The following TACC1 variants were observed in gnomAD, a reference collection of about 807,000 sequenced individuals.
TACC1 encodes transforming acidic coiled-coil-containing protein 1.
TACC1 carries 48 observed loss-of-function variants against 84.4 expected under a neutral mutation model. The ratio of observed to expected loss-of-function variants is 0.57; its 90% confidence interval spans 0.45 to 0.72. The LOEUF is 0.72. TACC1 is among the 30% of genes least tolerant of loss of function. The pLI is 0.00. For synonymous variants in TACC1, 372 were observed against 376.3 expected (o/e 0.99, Z 0.13); for missense variants, 920 against 973.0 (o/e 0.95, Z 0.72).
intron 3 of TACC1, among the ~76,000 whole-genome samples, chr8:38,766,396 A>T (rs2151849591): frequency 6.6e-6 from 1 of 152,368 alleles, no homozygotes; most frequent in African/African-American, 2.4e-5. Context: ...CAGAAACTTT[A>T]GAGTCCTGTC....
intron 9 of TACC1, among the ~76,000 whole-genome samples, chr8:38,841,834 T>A (rs967146131): frequency 3.3e-5 from 5 of 152,138 alleles, no homozygotes; most frequent in African/African-American, 1.2e-4. Flanking sequence ...ATTTAGAGTC[T>A]CTTCTCATCT....
chr8:38,801,706 A>G (rs959826018), intron 2 of TACC1, among the ~76,000 whole-genome samples: 2 of 152,182 alleles, frequency 1.3e-5, no homozygotes, highest in African/African-American at 4.8e-5. Flanking sequence ...TTCTGAGTCC[A>G]TTGCATTTCT....
At chr8:38,809,072 C>T (rs1254318321) in intron 2 of TACC1, among the ~76,000 whole-genome samples, 2 of 152,108 alleles carry the variant, frequency 1.3e-5, no homozygotes, top group African/African-American at 2.4e-5. Context: ...GGAGTTCCTT[C>T]AGCCCTCTGC....
intron 2 of TACC1, among the ~76,000 whole-genome samples, chr8:38,803,072 T>C (rs75769065): frequency 6.6e-6 from 1 of 152,242 alleles, no homozygotes; most frequent in Admixed American, 6.5e-5. Context: ...TTCTTAATTT[T>C]TTTTGGAATT....
At chr8:38,762,811 C>T (rs1383276506) in intron 3 of TACC1, among the ~76,000 whole-genome samples, 2 of 152,124 alleles carry the variant, frequency 1.3e-5, no homozygotes, top group East Asian at 3.9e-4. Context: ...CCCGCCTCGG[C>T]CTCCCAAAGT....
At chr8:38,838,211 A>G (rs1830582341) in intron 7 of TACC1, among the ~76,000 whole-genome samples, 1 of 152,242 alleles carries the variant, frequency 6.6e-6, no homozygotes, top group Non-Finnish European at 1.5e-5. Context: ...GGACCAAGGT[A>G]AAGTTCACAG....
intron 2 of TACC1, among the ~76,000 whole-genome samples, chr8:38,814,774 C>T (rs1825029831): frequency 6.6e-6 from 1 of 152,030 alleles, no homozygotes; most frequent in Non-Finnish European, 1.5e-5. Flanking sequence ...GACAGAAGTA[C>T]TAAAAGAACC....
At chr8:38,822,258 A>AC (rs996315855) in intron 3 of TACC1, among the ~76,000 whole-genome samples, 2 of 151,328 alleles carry the variant, frequency 1.3e-5, no homozygotes, top group African/African-American at 2.4e-5. Flanking sequence ...AAAAAAAAAA[A>AC]AAAAAAAACT....
At chr8:38,838,636 C>A in intron 8 of TACC1, 90 bp downstream of exon 8, 1 of 1,110,804 alleles carries the variant, frequency 9.0e-7, no homozygotes, top group Non-Finnish European at 1.4e-6. Flanking sequence ...TTGCTTGCCA[C>A]AGAACCAAGT....
chr8:38,805,072 G>A (rs989242183), intron 2 of TACC1, among the ~76,000 whole-genome samples: 1 of 152,224 alleles, frequency 6.6e-6, no homozygotes, highest in Non-Finnish European at 1.5e-5. Flanking sequence ...AAGGGCATCA[G>A]TGCCCCATTA....
chr8:38,777,560 T>C (rs187351517), intron 3 of TACC1, among the ~76,000 whole-genome samples: 6 of 152,128 alleles, frequency 3.9e-5, no homozygotes, highest in African/African-American at 1.4e-4. Flanking sequence ...GGGGTGAGAA[T>C]TGCTTGAGTC....
chr8:38,745,074 T>C (rs1217837200), exon 3 of TACC1: 1 of 163,282 alleles, frequency 6.1e-6, no homozygotes, highest in Non-Finnish European at 1.3e-5. Flanking sequence ...AGGCTATGCA[T>C]TCTGGGGAGT....
intron 3 of TACC1, among the ~76,000 whole-genome samples, chr8:38,763,240 C>G (rs1811565262): frequency 6.6e-6 from 1 of 152,048 alleles, no homozygotes; most frequent in African/African-American, 2.4e-5. Context: ...GCCTTGAACT[C>G]CTGGGCTGAA....
At chr8:38,817,616 T>C (rs1825716413) in intron 2 of TACC1, among the ~76,000 whole-genome samples, 1 of 152,172 alleles carries the variant, frequency 6.6e-6, no homozygotes, top group Admixed American at 6.5e-5. Context: ...TATGAAGCAC[T>C]GAGACGTTTT....
At chr8:38,806,149 C>T (rs1445619071) in intron 2 of TACC1, among the ~76,000 whole-genome samples, 3 of 152,086 alleles carry the variant, frequency 2.0e-5, no homozygotes, top group African/African-American at 4.8e-5. Context: ...CCAGTGTGGT[C>T]GTGTGGGTTC....
rs1416190858 is a variant in TACC1, at chr8:38,850,657, C to G, written c.*2634C>G. 1 of 151,514 alleles carries G rather than the reference C, an allele frequency of 6.6e-6. No individual in the cohort carries two copies. The highest frequency in any genetic ancestry group is 2.4e-5 in the African/African-American group (1 of 41,164). The allele number at this position is 151,514 out of a possible 1,614,324, so 9.4% of individuals were successfully genotyped here. ...AATAAAAATTAGCTGGGCATGGTGG[C>G]ACGTGCCTGTGGTCCCAGCTACTTG... On this transcript the variant is annotated 3_prime_UTR_variant, in exon 13 of 13. Transcript: ENST00000317827.
chr8:38,836,291 A>G lies in TACC1; in HGVS notation c.1839+4A>G. 6.2e-7 allele frequency: 1 copy of G among 1,606,222 alleles called. No individual in the cohort carries two copies. Among genetic ancestry groups the G allele is most frequent in the Non-Finnish European group, 8.5e-7 (1 of 1,179,026 alleles). On this transcript the variant is annotated splice_donor_region_variant and intron_variant, in intron 7 of 12. Coordinates refer to ENST00000317827, the MANE Select transcript of TACC1 (RefSeq NM_006283.3). ...GCTCACCTTAATAAGAGAAGAGGTA[A>G]AAGCTCTCCTGTTTAGTCTGCTTAT...
At chr8:38,743,755 C>T (rs2151694206) in intron 2 of TACC1, among the ~76,000 whole-genome samples, 1 of 152,286 alleles carries the variant, frequency 6.6e-6, no homozygotes, top group East Asian at 1.9e-4. Context: ...GGCTTAATGG[C>T]TCATGCCTGT....
intron 3 of TACC1, among the ~76,000 whole-genome samples, chr8:38,763,009 T>C (rs921540196): frequency 3.2e-4 from 48 of 152,204 alleles, no homozygotes; most frequent in African/African-American, 1.1e-3. Flanking sequence ...CTGTCTTCCA[T>C]AGTGGCTGCA....
Sources: gnomAD v4.1 joint callset for allele counts (sites outside exome capture counted in the v4.1 genomes callset) on GRCh38, gnomAD v4.1.1 for gene constraint, MANE v1.5 for transcripts, NCBI Gene and HGNC (gene_info 2026-07-23, HGNC 2026-07-21) for gene names.